Variants in LILRA4 observed in about 807,000 individuals in gnomAD.
LILRA4 encodes leukocyte immunoglobulin like receptor A4, also known as leukocyte immunoglobulin-like receptor subfamily A member 4.
A neutral mutation model predicts 49.5 loss-of-function variants in LILRA4; 51 were observed. The ratio of observed to expected loss-of-function variants is 1.03; its 90% CI spans 0.82 to 1.30. LILRA4 has a LOEUF of 1.30. LILRA4 is among the 50% of genes most tolerant of loss of function. The pLI, the probability that LILRA4 is intolerant of heterozygous loss-of-function variation, is 0.00. For missense variants in LILRA4, 624 were observed against 625.6 expected (o/e 1.00, Z 0.03); for synonymous variants, 272 against 265.6 (o/e 1.02, Z -0.23).
chr19:54,334,597 C>A (rs2122177005), intron 6 of LILRA4: 1 of 152,262 alleles, frequency 6.6e-6, no homozygotes, highest in East Asian at 1.9e-4. Flanking sequence ...AACATCATTT[C>A]TGCTTTTTTG....
chr19:54,334,013 C>T, intron 6 of LILRA4, 48 bp from the exon 7 acceptor site: 2 of 1,491,120 alleles, frequency 1.3e-6, no homozygotes, highest in Non-Finnish European at 1.9e-6. Flanking sequence ...AAGAGCCTCT[C>T]CCCTGGGCAA....
chr19:54,333,838 C>T (rs1199039362), intron 7 of LILRA4, 73 bp from the exon 8 acceptor site: 30 of 1,611,388 alleles, frequency 1.9e-5, no homozygotes, highest in Non-Finnish European at 2.3e-5. Flanking sequence ...GGATGTCCAC[C>T]CAGGGTACCC....
chr19:54,333,750 T>C lies in LILRA4; in HGVS notation c.1322A>G (p.Asp441Gly), dbSNP rs1300868801. 1.9e-6 allele frequency: 3 copies of C among 1,614,058 alleles called. No homozygotes were observed. Among genetic ancestry groups the C allele is most frequent in the South Asian group, 1.1e-5 (1 of 91,074 alleles). The change falls in exon 8 of 8, where the codon GAT (aspartate) becomes GGT (glycine). Residue 441 changes from aspartate to glycine, a missense_variant. Transcript: ENST00000291759. ...SDSKTAPHLQ[D>G]YTVENLIRMG... is the part of the protein sequence containing the mutation. ...GCGGATGAGATTCTCCACTGTGTAA[T>C]CCTGGAGGTGTGGGGCTAGGGATGG...
At chr19:54,338,830 G>T in intron 2 of LILRA4, 36 bp downstream of exon 2, 4 of 1,613,652 alleles carry the variant, frequency 2.5e-6, no homozygotes, top group Non-Finnish European at 3.4e-6. Context: ...TCCCCAGAGA[G>T]GAGGAGGGAC....
In LILRA4 at chr19:54,337,661, C is replaced by G; in HGVS notation, c.691G>C (p.Gly231Arg). 1 of 1,613,124 alleles carries G rather than the reference C, an allele frequency of 6.2e-7. No individual in the cohort carries two copies. The highest frequency in any genetic ancestry group is 8.5e-7 in the Non-Finnish European group (1 of 1,179,712). The change falls in exon 5 of 8, where the codon GGC becomes CGC. Residue 231 changes from glycine (G) to arginine (R), a missense_variant. Transcript: ENST00000291759. ...SRKPSLLTLQ[G>R]PVVTPGENLT... ...TTCTCTCCGGGGGTCACGACAGGGC[C>G]CTGCAGGGTCAGGAGGGAGGGCTTC...
In LILRA4 at chr19:54,338,376, AC is replaced by A; in HGVS notation, c.355+19del. Reference sequence around the variant, plus strand: ...CCCGAGGGCAGAGCCTGGGGCTGGGACCCCTGAGTGTCCTCTCACCTGTCAC... The same window carrying A: ...CCCGAGGGCAGAGCCTGGGGCTGGGACCCTGAGTGTCCTCTCACCTGTCAC... On this transcript the variant is annotated intron_variant, in intron 3 of 7. Coordinates refer to ENST00000291759, the MANE Select transcript of LILRA4 (RefSeq NM_012276.5). 1 of 1,613,318 alleles carries A rather than the reference AC, an allele frequency of 6.2e-7. No homozygotes were observed. The highest frequency in any genetic ancestry group is 2.2e-5 in the East Asian group (1 of 44,852).
rs149482549 is a variant in LILRA4, at chr19:54,338,451, A to G, written c.300T>C (p.Tyr100=). 89 of 1,614,118 alleles carry G rather than the reference A, an allele frequency of 5.5e-5. No homozygotes were observed. In the African/African-American group the frequency reaches 7.7e-4, roughly 14 times the overall value. ...WEHAGRYHCY[Y]QSPAGWSEPS... ...GCTCTGACCAGCCTGCAGGGCTCTG[A>G]TAGTAACAGTGATATCGCCCTGCAT... The change falls in exon 3 of 8, where the codon TAT becomes TAC. Residue 100 remains tyrosine (Y), a synonymous_variant. Coordinates refer to ENST00000291759, the MANE Select transcript of LILRA4 (RefSeq NM_012276.5).
At chr19:54,336,625 C>A (rs1601225767) in intron 6 of LILRA4, 1 of 770,548 alleles carries the variant, frequency 1.3e-6, no homozygotes, top group Non-Finnish European at 2.0e-6. Context: ...CCCCTGTGGA[C>A]CCTCCCCCTT....
At position 54,336,823 on chromosome 19, in the gene LILRA4, C is replaced by G. The variant is rs2081327809; in HGVS notation, c.1255+18G>C. The G allele has an allele frequency of 6.2e-7, 1 of 1,613,574 alleles. No homozygotes were observed. The highest frequency in any genetic ancestry group is 1.3e-5 in the African/African-American group (1 of 74,908). Reference sequence around the variant, plus strand: ...AGAACCCCTTTGAGCTCAGAGTGGACAGGGTCAGCGCCCTCACCTGAGACC... The same window carrying G: ...AGAACCCCTTTGAGCTCAGAGTGGAGAGGGTCAGCGCCCTCACCTGAGACC... On this transcript the variant is annotated intron_variant, in intron 6 of 7. Transcript: ENST00000291759.
intron 6 of LILRA4, chr19:54,336,612 C>T: frequency 1.4e-6 from 1 of 704,004 alleles, no homozygotes; most frequent in Non-Finnish European, 2.3e-6. Context: ...TGGGCTGGGC[C>T]CTCCCCTGTG....
rs2081291736 is a variant in LILRA4, at chr19:54,333,471, C to G, written c.*101G>C. ...TGGAGGAAGCATCTTCTACAGACAC[C>G]CAGACATCTTCCTGCACCTGACCCA... is the stretch of plus-strand genomic sequence containing the variant. On this transcript the variant is annotated 3_prime_UTR_variant, in exon 8 of 8. Coordinates refer to ENST00000291759, the MANE Select transcript of LILRA4 (RefSeq NM_012276.5). 2 of 1,156,616 alleles carry G rather than the reference C, an allele frequency of 1.7e-6. No individual in the cohort carries two copies. 71.6% of individuals were successfully genotyped at this position (1,156,616 alleles called of 1,614,324 possible).
intron 7 of LILRA4, 56 bp downstream of exon 7, chr19:54,333,859 G>A: frequency 6.2e-7 from 1 of 1,610,154 alleles, no homozygotes; most frequent in South Asian, 1.1e-5. Context: ...ACCTCCCCTT[G>A]ACAGGACCTG....
rs548750401 is a variant in LILRA4, at chr19:54,338,243, G to T, written c.356-8C>A. ...GGGTGGGTCTGCTGTAGGCTTTCAA[G>T]AGAAAAAAAGGCAGCCGTGTTTAAA... On this transcript the variant is annotated splice_polypyrimidine_tract_variant and splice_region_variant and intron_variant, in intron 3 of 7. Transcript: ENST00000291759. 3.1e-6 allele frequency: 5 copies of T among 1,600,360 alleles called. No homozygotes were observed. The East Asian group carries it at 9.0e-5, about 29-fold the overall frequency.
At chr19:54,334,250 C>T (rs2122175764) in intron 6 of LILRA4, 2 of 440,846 alleles carry the variant, frequency 4.5e-6, no homozygotes, top group East Asian at 3.8e-5. Flanking sequence ...AAGAATTGAG[C>T]TCTTGTGTGC....
At position 54,333,644 on chromosome 19, in the gene LILRA4, C is replaced by A. The variant is rs201463095; in HGVS notation, c.1428G>T (p.Arg476Ser). ...TTCTGCTGTTTGCCTCCTGGCTGCA[C>A]CTTGGGGGGCTTCTCTGGCTGTGCT... ...EAQHSQRSPP[R>S]CSQEANSRKD... Residue 476 changes from arginine to serine, a missense_variant, in exon 8 of 8, where the codon AGG becomes AGT. By Grantham distance (110) the Arg-to-Ser change is moderately radical. Transcript: ENST00000291759. 239 of 1,614,140 alleles carry A rather than the reference C, an allele frequency of 1.5e-4. No homozygotes were observed. Among genetic ancestry groups the A allele is most frequent in the Non-Finnish European group, 1.4e-4 (161 of 1,180,012 alleles).
In LILRA4 at chr19:54,338,670, GAGT is replaced by G. The variant is rs534566751; in HGVS notation, c.78_80del (p.Leu27del). On this transcript the variant is annotated inframe_deletion, in exon 3 of 8. Transcript: ENST00000291759. Reference sequence around the variant, plus strand: ...CTGGCTCGGCCCACAGGATGGGTTTGAGTAGGTTTTCTGGAAGGAAATTACAGG... The same window carrying G: ...CTGGCTCGGCCCACAGGATGGGTTTGAGGTTTTCTGGAAGGAAATTACAGG... The G allele has an allele frequency of 4.5e-5, 73 of 1,609,738 alleles. No individual in the cohort carries two copies. The African/African-American group carries it at 9.1e-4, about 20-fold the overall frequency.
rs1299923631 is a variant in LILRA4, at chr19:54,338,219, G to A, written c.372C>T (p.Thr124=). ...ELVVTAYSRP[T]LSALPSPVVT... ...CCACAGGGCTTGGCAGTGCGGACAGGGTGGGTCTGCTGTAGGCTTTCAAGA... is the reference window on the plus strand; with the variant it reads ...CCACAGGGCTTGGCAGTGCGGACAGAGTGGGTCTGCTGTAGGCTTTCAAGA... Residue 124 remains threonine, a synonymous_variant, in exon 4 of 8, where the codon ACC becomes ACT. Transcript: ENST00000291759. 1 of 1,611,872 alleles carries A rather than the reference G, an allele frequency of 6.2e-7. No homozygotes were observed. The highest frequency in any genetic ancestry group is 1.7e-5 in the Admixed American group (1 of 59,860).
chr19:54,334,263 T>C, intron 6 of LILRA4: 1 of 377,854 alleles, frequency 2.6e-6, no homozygotes, highest in East Asian at 4.5e-5. Flanking sequence ...TTGTGTGCTG[T>C]CTTGGATGTG....
Position 54,338,874 on chromosome 19 carries a change from A to C in LILRA4, c.62T>G (p.Val21Gly). 1 of 1,614,012 alleles carries C rather than the reference A, an allele frequency of 6.2e-7. No homozygotes were observed. Among genetic ancestry groups the C allele is most frequent in the Non-Finnish European group, 8.5e-7 (1 of 1,180,012 alleles). ...GCTGGGGACAGACTCACCTGCCTGC[A>C]CCCGGGTCCTGGGGCCCAGGCTCAG... ...FGLSLGPRTRVQAENLLKPIL... is the reference protein window; with the variant it reads ...FGLSLGPRTRGQAENLLKPIL... Residue 21 changes from valine (V) to glycine (G), a missense_variant, in exon 2 of 8, where the codon GTG (valine) becomes GGG (glycine). Val to Gly is a moderately radical substitution (Grantham distance 109). Transcript: ENST00000291759.
Sources: gnomAD v4.1 joint callset for allele counts on GRCh38, gnomAD v4.1.1 for gene constraint, MANE v1.5 for transcripts, NCBI Gene and HGNC (gene_info 2026-07-23, HGNC 2026-07-21) for gene names.